Variants in PSME4 observed in about 807,000 individuals in gnomAD.
PSME4 encodes the protein proteasome activator complex subunit 4.
PSME4 carries 89 observed loss-of-function variants against 253.9 expected under a neutral mutation model. The ratio of observed to expected loss-of-function variants is 0.35; its 90% confidence interval spans 0.30 to 0.42. The LOEUF (loss-of-function observed/expected upper bound fraction) is 0.42, where lower values mean the gene tolerates loss of function less well. Ranked by LOEUF, PSME4 falls within the 10% of genes least tolerant of loss-of-function variation. The pLI, the probability that PSME4 is intolerant of heterozygous loss-of-function variation, is 1.00. For missense variants in PSME4, 2,014 were observed against 2,195.2 expected, an observed-to-expected ratio of 0.92 and a Z score of 1.65; for synonymous variants, 851 against 759.2, an observed-to-expected ratio of 1.12 and a Z score of -1.99.
chr2:53,901,409 A>G lies in PSME4; in HGVS notation c.3226T>C (p.Phe1076Leu). Reference sequence around the variant, plus strand: ...TGAATCTTTTCTGCAAGATCATCAAACAATCTCACTATTGATGGCTTTTCC... The same window carrying G: ...TGAATCTTTTCTGCAAGATCATCAAGCAATCTCACTATTGATGGCTTTTCC... The part of the protein sequence containing the change: ...SLEKPSIVRL[F>L]DDLAEKIHRQ... The change falls in exon 28 of 47, where the codon TTT becomes CTT. Residue 1076 changes from phenylalanine (F) to leucine (L), a missense_variant. Physicochemically the swap from Phe to Leu is conservative, Grantham distance 22. Coordinates refer to ENST00000404125, the MANE Select transcript of PSME4 (RefSeq NM_014614.3). The G allele has an allele frequency of 6.2e-7, 1 of 1,614,164 alleles. No individual in the cohort carries two copies. The highest frequency in any genetic ancestry group is 1.7e-4 in the Middle Eastern group (1 of 6,060).
intron 1 of PSME4, among the ~76,000 whole-genome samples, chr2:53,957,274 G>A (rs1190089786): frequency 6.6e-6 from 1 of 152,150 alleles, no homozygotes; most frequent in African/African-American, 2.4e-5. Context: ...ATGATTTGAG[G>A]ACATTATATT....
chr2:53,894,841 G>A (rs559564620), intron 34 of PSME4, among the ~76,000 whole-genome samples, 166 bp downstream of exon 34: 1 of 152,204 alleles, frequency 6.6e-6, no homozygotes, highest in South Asian at 2.1e-4. Context: ...AGTATGAAGG[G>A]GTTGAGGAGA....
intron 42 of PSME4, 50 bp downstream of exon 42, chr2:53,875,577 G>T: frequency 6.5e-7 from 1 of 1,543,034 alleles, no homozygotes; most frequent in South Asian, 1.3e-5. Flanking sequence ...TTCTTAGAAT[G>T]GTAAACCAAA....
intron 4 of PSME4, among the ~76,000 whole-genome samples, chr2:53,937,782 G>A (rs1669191696): frequency 6.6e-6 from 1 of 152,098 alleles, no homozygotes; most frequent in Non-Finnish European, 1.5e-5. Context: ...TGGATCACTT[G>A]AGCCCAGGAG....
At chr2:53,901,671 T>A in intron 27 of PSME4, 112 bp from the exon 28 acceptor site, 1 of 738,944 alleles carries the variant, frequency 1.4e-6, no homozygotes, top group Non-Finnish European at 2.1e-6. Context: ...CTTAAATGCT[T>A]AATATTGGTT....
At chr2:53,919,859 A>G (rs188192734) in intron 19 of PSME4, among the ~76,000 whole-genome samples, 1 of 152,312 alleles carries the variant, frequency 6.6e-6, no homozygotes, top group Admixed American at 6.5e-5. Context: ...TAAAATTTTG[A>G]GAACCCAATA....
intron 14 of PSME4, among the ~76,000 whole-genome samples, chr2:53,924,093 A>G (rs1403585048): frequency 6.6e-6 from 1 of 152,174 alleles, no homozygotes; most frequent in African/African-American, 2.4e-5. Context: ...CATCCTGACA[A>G]CTACAAACTA....
At chr2:53,929,363 C>T (rs911459108) in intron 10 of PSME4, among the ~76,000 whole-genome samples, 43 of 152,248 alleles carry the variant, frequency 2.8e-4, no homozygotes, top group African/African-American at 9.6e-4. Flanking sequence ...CTGATCACAG[C>T]TCACTGCAGC....
chr2:53,949,333 T>C lies in PSME4; in HGVS notation c.243-50A>G, dbSNP rs997764293. 8 of 1,246,282 alleles carry C rather than the reference T, an allele frequency of 6.4e-6. No individual in the cohort carries two copies. The Admixed American group carries it at 9.9e-5, about 15-fold the overall frequency. The allele number at this position is 1,246,282 out of a possible 1,614,324, so 77.2% of individuals were successfully genotyped here. ...CTTTAAAAATAGGTATGATGACACA[T>C]CCATGTTCAATGCAGCATTATCCAT... On this transcript the variant is annotated intron_variant, in intron 1 of 46. Coordinates refer to ENST00000404125, the MANE Select transcript of PSME4 (RefSeq NM_014614.3).
intron 1 of PSME4, among the ~76,000 whole-genome samples, chr2:53,953,350 AT>A (rs1670086568): frequency 6.6e-6 from 1 of 151,976 alleles, no homozygotes; most frequent in South Asian, 2.1e-4. Flanking sequence ...AAAAGACATA[AT>A]CCAATTAAAA....
In PSME4 at chr2:53,922,529, T is replaced by C. The variant is rs550500413; in HGVS notation, c.2034A>G (p.Gln678=). ...ELDKELLWNL[Q]LLSEITRVDG... is the part of the protein sequence containing the mutation. ...AGATTTACAATACCTCAGACAAAAG[T>C]TGAAGATTCCATAGTAATTCCTTGT... The change falls in exon 17 of 47, where the codon CAA becomes CAG. Residue 678 remains glutamine, a synonymous_variant. Coordinates refer to ENST00000404125, the MANE Select transcript of PSME4 (RefSeq NM_014614.3). The C allele has an allele frequency of 1.5e-4, 243 of 1,612,748 alleles. No homozygotes were observed. In the South Asian group the frequency reaches 2.5e-3, roughly 16 times the overall value.
chr2:53,965,894 G>A lies in PSME4; in HGVS notation c.242+4649C>T, dbSNP rs749687305. ...TCACCATGTTGGTGAGGCTGGTCTC[G>A]AACTCCTGACCTTGTGATCCACCTG... On this transcript the variant is annotated intron_variant, in intron 1 of 46. Coordinates refer to ENST00000404125, the MANE Select transcript of PSME4 (RefSeq NM_014614.3). Among the ~76,000 whole-genome samples, 55 of 151,780 alleles carry A rather than the reference G, an allele frequency of 3.6e-4. 1 individual carries two copies. Among genetic ancestry groups the A allele is most frequent in the Non-Finnish European group, 2.6e-4 (18 of 67,972 alleles).
intron 3 of PSME4, among the ~76,000 whole-genome samples, 156 bp downstream of exon 3, chr2:53,948,265 G>C (rs1669817857): frequency 1.3e-5 from 2 of 152,170 alleles, no homozygotes; most frequent in African/African-American, 4.8e-5. Flanking sequence ...AGTTTATAGA[G>C]GGCAATGAAT....
At chr2:53,960,267 C>T (rs1450381211) in intron 1 of PSME4, among the ~76,000 whole-genome samples, 1 of 152,024 alleles carries the variant, frequency 6.6e-6, no homozygotes, top group African/African-American at 2.4e-5. Context: ...GGCATGGTGG[C>T]GGGCGCCTGT....
intron 1 of PSME4, among the ~76,000 whole-genome samples, chr2:53,963,352 G>GA (rs978175700): frequency 1.3e-5 from 2 of 151,876 alleles, no homozygotes; most frequent in African/African-American, 2.4e-5. Context: ...ACACAAAAAA[G>GA]AAAGAGCGCA....
Position 53,920,339 on chromosome 2 carries a change from T to C in PSME4, c.2274A>G (p.Lys758=), listed in dbSNP as rs768114813. The change falls in exon 19 of 47, where the codon AAA becomes AAG. Residue 758 remains lysine (K), a synonymous_variant. Coordinates refer to ENST00000404125, the MANE Select transcript of PSME4 (RefSeq NM_014614.3). ...SEYFPIKDWG[K]PGDLWNLGIQ... ...TTCCCAGATTCCACAAGTCCCCGGG[T>C]TTGCCCCAGTCCTAGAAGAGAACAG... 1 of 1,611,938 alleles carries C rather than the reference T, an allele frequency of 6.2e-7. No individual in the cohort carries two copies. Among genetic ancestry groups the C allele is most frequent in the South Asian group, 1.1e-5 (1 of 90,692 alleles).
At chr2:53,883,745 T>C (rs897473614) in intron 41 of PSME4, among the ~76,000 whole-genome samples, 3 of 148,018 alleles carry the variant, frequency 2.0e-5, no homozygotes, top group Admixed American at 1.3e-4. Context: ...TTCTTATACT[T>C]CTTTTTTTTT....
rs143528233 is a variant in PSME4 at position 53,882,854 on chromosome 2, C to G, written c.4815+2836G>C. Among the ~76,000 whole-genome samples the G allele has an allele frequency of 2.0e-4, 30 of 151,448 alleles. No individual in the cohort carries two copies. In the East Asian group the frequency reaches 5.1e-3, roughly 26 times the overall value. ...GGAAGCTGCAGAGCTACTGGCCTGACTCTACTGACAAACAACTGTGTAGGA... is the reference window on the plus strand; with the variant it reads ...GGAAGCTGCAGAGCTACTGGCCTGAGTCTACTGACAAACAACTGTGTAGGA... On this transcript the variant is annotated intron_variant, in intron 41 of 46. Transcript: ENST00000404125.
At chr2:53,923,845 C>T (rs1668436502) in intron 14 of PSME4, among the ~76,000 whole-genome samples, 1 of 148,602 alleles carries the variant, frequency 6.7e-6, no homozygotes, top group Non-Finnish European at 1.5e-5. Flanking sequence ...ATTGCTTGAA[C>T]CCGGGAGGTG....
Sources: gnomAD v4.1 joint callset for allele counts (sites outside exome capture counted in the v4.1 genomes callset) on GRCh38, gnomAD v4.1.1 for gene constraint, MANE v1.5 for transcripts, NCBI Gene and HGNC (gene_info 2026-07-23, HGNC 2026-07-21) for gene names.